SLC26A7: variants seen among roughly 807,000 people sequenced by gnomAD.
SLC26A7 encodes the protein anion exchange transporter.
In SLC26A7, 59 loss-of-function variants were observed where a neutral mutation model predicts 82.5. The observed-to-expected ratio is 0.72, with a 90% CI of 0.58 to 0.89. SLC26A7 has a LOEUF of 0.89. Ranked by LOEUF, SLC26A7 falls within the 40% of genes least tolerant of loss-of-function variation. SLC26A7 has a pLI of 0.00. For missense variants in SLC26A7, 820 were observed against 793.0 expected (o/e 1.03, Z -0.41); for synonymous variants, 271 against 274.3 (o/e 0.99, Z 0.12).
chr8:91,340,728 A>G (rs1277068319), intron 8 of SLC26A7, 177 bp downstream of exon 8: 8 of 692,688 alleles, frequency 1.2e-5, no homozygotes, highest in Non-Finnish European at 1.9e-5. Flanking sequence ...AAAACCTGAC[A>G]TTGATTGTTC....
intron 15 of SLC26A7, among the ~76,000 whole-genome samples, chr8:91,376,726 T>A (rs960877467): frequency 2.0e-5 from 3 of 152,126 alleles, no homozygotes; most frequent in South Asian, 4.1e-4. Context: ...GCTGGCTCAC[T>A]TCCCAGGAGG....
At chr8:91,382,976 G>A (rs1013273898) in intron 15 of SLC26A7, among the ~76,000 whole-genome samples, 19 of 152,244 alleles carry the variant, frequency 1.2e-4, no homozygotes, top group Middle Eastern at 6.8e-3. Context: ...CTAGTTAGGG[G>A]TAGTAGAGGC....
chr8:91,262,376 A>G (rs1022739075), intron 2 of SLC26A7, among the ~76,000 whole-genome samples: 4 of 152,060 alleles, frequency 2.6e-5, no homozygotes, highest in Non-Finnish European at 1.5e-5. Flanking sequence ...CTGGGTAGAA[A>G]GGAGTCTGAA....
At chr8:91,321,680 T>C (rs1261992420) in intron 5 of SLC26A7, among the ~76,000 whole-genome samples, 3 of 152,204 alleles carry the variant, frequency 2.0e-5, no homozygotes, top group Admixed American at 6.5e-5. Flanking sequence ...ACTTTTTAAA[T>C]TTGTTCTTAA....
chr8:91,368,699 A>AGGC (rs1301834806), intron 14 of SLC26A7, among the ~76,000 whole-genome samples: 1 of 152,122 alleles, frequency 6.6e-6, no homozygotes, highest in African/African-American at 2.4e-5. Context: ...CTGGGATTAC[A>AGGC]GGCGTGAGCC....
chr8:91,264,036 G>T (rs2130721654), intron 2 of SLC26A7, among the ~76,000 whole-genome samples: 1 of 152,090 alleles, frequency 6.6e-6, no homozygotes, highest in South Asian at 2.1e-4. Context: ...CAGCCAAAAA[G>T]AGATGAAATT....
At chr8:91,355,151 C>T (rs749995813) in intron 11 of SLC26A7, among the ~76,000 whole-genome samples, 6 of 152,018 alleles carry the variant, frequency 3.9e-5, no homozygotes, top group African/African-American at 7.2e-5. Flanking sequence ...CACAGGTCAA[C>T]GTAATTTTTT....
chr8:91,301,970 T>C lies in SLC26A7; in HGVS notation c.477+6267T>C, dbSNP rs148721264. Among the ~76,000 whole-genome samples the C allele has an allele frequency of 4.4e-3, 675 of 152,228 alleles. 4 individuals carry two copies. The highest frequency in any genetic ancestry group is 0.016 in the African/African-American group (655 of 41,586). ...TTGTATTTCCTCCTTTACCCAAAGA[T>C]TAAGAGAAGAGTTTTTAATTTTAGG... On this transcript the variant is annotated intron_variant, in intron 4 of 18. Coordinates refer to ENST00000276609, the MANE Select transcript of SLC26A7 (RefSeq NM_052832.4).
intron 5 of SLC26A7, among the ~76,000 whole-genome samples, chr8:91,328,612 G>A (rs893094801): frequency 6.6e-6 from 1 of 152,034 alleles, no homozygotes; most frequent in African/African-American, 2.4e-5. Flanking sequence ...CTAGACCCAA[G>A]TATTCATTCA....
intron 1 of SLC26A7, among the ~76,000 whole-genome samples, chr8:91,212,730 G>A (rs1281355304): frequency 3.9e-5 from 6 of 152,224 alleles, no homozygotes; most frequent in Non-Finnish European, 7.4e-5. Context: ...CATTTATGCC[G>A]TGGTTAGTCA....
At chr8:91,285,278 C>T (rs548023761) in intron 2 of SLC26A7, among the ~76,000 whole-genome samples, 13 of 151,334 alleles carry the variant, frequency 8.6e-5, no homozygotes, top group African/African-American at 2.2e-4. Flanking sequence ...GGCGTTCACA[C>T]GCCTTCATCT....
intron 15 of SLC26A7, among the ~76,000 whole-genome samples, chr8:91,383,032 A>G (rs1465196072): frequency 6.6e-6 from 1 of 152,160 alleles, no homozygotes; most frequent in African/African-American, 2.4e-5. Context: ...ATGAAAGGGG[A>G]TACTTAAAAT....
At chr8:91,336,047 T>C (rs1813231760) in intron 6 of SLC26A7, among the ~76,000 whole-genome samples, 1 of 152,128 alleles carries the variant, frequency 6.6e-6, no homozygotes, top group African/African-American at 2.4e-5. Context: ...CCAACTTTCT[T>C]GAGCCACCCT....
chr8:91,368,474 A>G (rs1227180429), intron 14 of SLC26A7, among the ~76,000 whole-genome samples: 1 of 149,112 alleles, frequency 6.7e-6, no homozygotes, highest in South Asian at 2.1e-4. Context: ...GCTGGAGTGC[A>G]GTGGCCCGAT....
At chr8:91,392,967 C>T (rs1242568307) in intron 16 of SLC26A7, among the ~76,000 whole-genome samples, 1 of 152,184 alleles carries the variant, frequency 6.6e-6, no homozygotes, top group Admixed American at 6.5e-5. Flanking sequence ...TAATATATCT[C>T]CCATTATTTC....
intron 2 of SLC26A7, among the ~76,000 whole-genome samples, chr8:91,266,563 G>T (rs1811119196): frequency 6.6e-6 from 1 of 151,458 alleles, no homozygotes; most frequent in African/African-American, 2.4e-5. Flanking sequence ...AATGCTTTTG[G>T]TTTTTTTGAT....
At chr8:91,333,907 T>C (rs1224418841) in intron 5 of SLC26A7, among the ~76,000 whole-genome samples, 4 of 152,166 alleles carry the variant, frequency 2.6e-5, no homozygotes, top group African/African-American at 4.8e-5. Flanking sequence ...TCTTGTTTGC[T>C]TCTGGGGTTT....
At chr8:91,367,988 T>C (rs1814243944) in intron 14 of SLC26A7, among the ~76,000 whole-genome samples, 1 of 152,228 alleles carries the variant, frequency 6.6e-6, no homozygotes, top group South Asian at 2.1e-4. Context: ...CAGGATCAGA[T>C]ACGTAATTTA....
At chr8:91,226,198 T>C (rs1005664260) in intron 2 of SLC26A7, among the ~76,000 whole-genome samples, 2 of 152,218 alleles carry the variant, frequency 1.3e-5, no homozygotes, top group African/African-American at 2.4e-5. Context: ...TTTTAACCTA[T>C]GTTTCCAAGC....
Sources: gnomAD v4.1 joint callset for allele counts (sites outside exome capture counted in the v4.1 genomes callset) on GRCh38, gnomAD v4.1.1 for gene constraint, MANE v1.5 for transcripts, NCBI Gene and HGNC (gene_info 2026-07-23, HGNC 2026-07-21) for gene names.